NLGN4X: variants seen among roughly 807,000 people sequenced by gnomAD.
NLGN4X encodes neuroligin 4 X-linked.
Under a neutral mutation model 40.3 loss-of-function variants are expected in NLGN4X, and 3 were observed. The observed-to-expected ratio is 0.07, with a 90% CI of 0.03 to 0.19. The LOEUF is 0.19. NLGN4X is among the 10% of genes least tolerant of loss of function. The pLI is 1.00. For missense variants in NLGN4X, 382 were observed against 708.3 expected, an observed-to-expected ratio of 0.54 and a Z score of 5.23; for synonymous variants, 270 against 306.8, an observed-to-expected ratio of 0.88 and a Z score of 1.25.
At chrX:5,932,389 T>C (rs2033577071) in intron 3 of NLGN4X, among the ~76,000 whole-genome samples, 1 of 111,408 alleles carries the variant, frequency 9.0e-6, no homozygotes, top group African/African-American at 3.3e-5. Flanking sequence ...GAACACAGGC[T>C]AAATGTTTAA....
intron 3 of NLGN4X, among the ~76,000 whole-genome samples, chrX:6,023,512 G>A (rs937940322): frequency 2.9e-4 from 33 of 112,009 alleles, no homozygotes; most frequent in African/African-American, 1.0e-3. Context: ...GTTCTGAGTG[G>A]TAAGTCAGAG....
At chrX:6,077,333 G>T (rs1299054645) in intron 2 of NLGN4X, among the ~76,000 whole-genome samples, 1 of 90,732 alleles carries the variant, frequency 1.1e-5, no homozygotes, top group East Asian at 3.2e-4. Context: ...GTGTGACAGG[G>T]TCTCACTCTA....
At chrX:6,151,813 A>C in intron 1 of NLGN4X, 42 bp from the exon 2 acceptor site, 1 of 266,945 alleles carries the variant, frequency 3.7e-6, no homozygotes. Context: ...GAAGCCACAC[A>C]ACGACCACCT....
At chrX:5,972,646 G>A (rs2035058264) in intron 3 of NLGN4X, among the ~76,000 whole-genome samples, 1 of 110,193 alleles carries the variant, frequency 9.1e-6, no homozygotes, top group East Asian at 2.9e-4. Flanking sequence ...TGCATCTACT[G>A]CATAGTCTAT....
At chrX:6,024,421 A>T (rs1177312708) in intron 3 of NLGN4X, among the ~76,000 whole-genome samples, 1 of 110,984 alleles carries the variant, frequency 9.0e-6, no homozygotes, top group Non-Finnish European at 1.9e-5. Flanking sequence ...GAGACGTTTG[A>T]ACCAGAGCAC....
intron 3 of NLGN4X, among the ~76,000 whole-genome samples, chrX:5,969,668 T>C (rs1173871604): frequency 9.0e-6 from 1 of 111,197 alleles, no homozygotes; most frequent in African/African-American, 3.3e-5. Context: ...GCCATCCCAC[T>C]ACTGATCATA....
At chrX:6,102,162 C>T (rs768208664) in intron 2 of NLGN4X, among the ~76,000 whole-genome samples, 1 of 111,402 alleles carries the variant, frequency 9.0e-6, no homozygotes, top group Admixed American at 9.6e-5. Context: ...GTTTGTAACA[C>T]AAAAGATAAA....
At chrX:6,219,478 T>C (rs1488517985) in intron 1 of NLGN4X, among the ~76,000 whole-genome samples, 1 of 102,391 alleles carries the variant, frequency 9.8e-6, no homozygotes, top group African/African-American at 3.6e-5. Context: ...TCCCTCCTTC[T>C]CTCCTTCCCT....
intron 1 of NLGN4X, among the ~76,000 whole-genome samples, chrX:6,156,532 A>AC (rs2040271034): frequency 8.9e-6 from 1 of 112,160 alleles, no homozygotes; most frequent in South Asian, 3.7e-4. Flanking sequence ...AAACAAACAA[A>AC]AAAAAACAAA....
At chrX:5,999,045 T>C (rs1281305654) in intron 3 of NLGN4X, among the ~76,000 whole-genome samples, 1 of 111,777 alleles carries the variant, frequency 8.9e-6, no homozygotes, top group Non-Finnish European at 1.9e-5. Context: ...TCATCTCCCT[T>C]GTTGTAGAGG....
At chrX:5,908,059 G>T (rs1331027928) in intron 4 of NLGN4X, among the ~76,000 whole-genome samples, 1 of 93,000 alleles carries the variant, frequency 1.1e-5, no homozygotes, top group African/African-American at 4.0e-5. Flanking sequence ...AGAGAGAGAG[G>T]GAGGGAGGAG....
At chrX:6,056,519 C>G (rs367811536) in intron 2 of NLGN4X, among the ~76,000 whole-genome samples, 1 of 110,948 alleles carries the variant, frequency 9.0e-6, no homozygotes, top group Non-Finnish European at 1.9e-5. Context: ...CGTGTAAGTG[C>G]CCTTTTGTTT....
chrX:5,942,983 T>C (rs1471227461), intron 3 of NLGN4X, among the ~76,000 whole-genome samples: 1 of 111,638 alleles, frequency 9.0e-6, no homozygotes, highest in Non-Finnish European at 1.9e-5. Flanking sequence ...GCAGATATAA[T>C]TAAGGTTACT....
At chrX:6,129,171 GA>G (rs1250329601) in intron 2 of NLGN4X, among the ~76,000 whole-genome samples, 1 of 111,937 alleles carries the variant, frequency 8.9e-6, no homozygotes, top group East Asian at 2.8e-4. Flanking sequence ...CTTTCAAAGA[GA>G]AAAAAGAAAC....
intron 3 of NLGN4X, among the ~76,000 whole-genome samples, chrX:5,918,165 T>A (rs1422295299): frequency 2.7e-5 from 3 of 110,685 alleles, no homozygotes; most frequent in Non-Finnish European, 3.8e-5. Flanking sequence ...TTTTTTTTTT[T>A]TTATTTACGT....
chrX:6,224,603 T>G (rs149272711), intron 1 of NLGN4X, among the ~76,000 whole-genome samples: 1,329 of 111,397 alleles, frequency 0.012, 24 homozygotes, highest in African/African-American at 0.041. Flanking sequence ...TTTCACAGCA[T>G]CAAGATAACT....
intron 3 of NLGN4X, among the ~76,000 whole-genome samples, chrX:6,012,034 A>G (rs184975290): frequency 1.1e-4 from 12 of 112,262 alleles, no homozygotes; most frequent in African/African-American, 3.9e-4. Context: ...TTAATCTTTG[A>G]TTTTAATTTT....
intron 3 of NLGN4X, among the ~76,000 whole-genome samples, chrX:5,915,778 G>T (rs1244162728): frequency 2.7e-5 from 3 of 112,001 alleles, no homozygotes; most frequent in Non-Finnish European, 5.6e-5. Context: ...GAGCTCAAGT[G>T]ATCTCCCTGC....
chrX:6,147,289 C>T (rs956813418), intron 2 of NLGN4X, among the ~76,000 whole-genome samples: 1 of 111,792 alleles, frequency 8.9e-6, no homozygotes, highest in African/African-American at 3.2e-5. Flanking sequence ...CCAAGGCAAT[C>T]TGGACTCACT....
Sources: allele counts gnomAD v4.1 joint callset (sites outside exome capture counted in the v4.1 genomes callset), GRCh38; gene constraint gnomAD v4.1.1; transcripts MANE v1.5; gene names NCBI Gene and HGNC (gene_info 2026-07-23, HGNC 2026-07-21).